The following TBC1D9 variants were observed in gnomAD, a reference collection of about 807,000 sequenced individuals.
The protein encoded by TBC1D9 is TBC1 domain family member 9.
Under a neutral mutation model 132.0 loss-of-function variants are expected in TBC1D9, and 63 were observed. The ratio of observed to expected loss-of-function variants is 0.48; its 90% CI spans 0.39 to 0.59. The LOEUF (loss-of-function observed/expected upper bound fraction) is 0.59, where lower values mean the gene tolerates loss of function less well. TBC1D9 is among the 20% of genes least tolerant of loss of function. The probability of loss-of-function intolerance (pLI) is 0.00; values close to 1 mark genes in which losing one functional copy is unlikely to be tolerated. For synonymous variants in TBC1D9, 610 were observed against 609.9 expected, an observed-to-expected ratio of 1.00 and a Z score of 0.00; for missense variants, 1,261 against 1,592.7, an observed-to-expected ratio of 0.79 and a Z score of 3.54.
intron 1 of TBC1D9, among the ~76,000 whole-genome samples, chr4:140,710,288 C>T (rs1366602273): frequency 6.6e-6 from 1 of 151,980 alleles, no homozygotes. Context: ...TAGGTGATCC[C>T]CGAGAGACCC....
chr4:140,700,572 C>T (rs953746272), intron 2 of TBC1D9, among the ~76,000 whole-genome samples: 2 of 151,816 alleles, frequency 1.3e-5, no homozygotes, highest in Non-Finnish European at 2.9e-5. Flanking sequence ...GTAATCCTAG[C>T]ACTTTGGGAG....
intron 1 of TBC1D9, 54 bp downstream of exon 1, chr4:140,755,862 C>A: frequency 6.8e-7 from 1 of 1,478,972 alleles, no homozygotes; most frequent in South Asian, 1.3e-5. Context: ...AGGCCGCGGG[C>A]GGCGCCGCAG....
intron 13 of TBC1D9, chr4:140,645,579 A>G (rs1321369765): frequency 7.2e-6 from 2 of 277,172 alleles, no homozygotes; most frequent in Admixed American, 1.0e-4. Flanking sequence ...ATCTTCCCCC[A>G]GTAGTAAGAA....
chr4:140,747,389 C>A, intron 1 of TBC1D9, among the ~76,000 whole-genome samples: 1 of 151,910 alleles, frequency 6.6e-6, no homozygotes, highest in East Asian at 1.9e-4. Context: ...CAAATAGGCT[C>A]ACACTTATTA....
intron 1 of TBC1D9, among the ~76,000 whole-genome samples, chr4:140,727,541 C>T (rs35154755): frequency 0.28 from 43,273 of 152,124 alleles, 7,305 homozygotes; most frequent in South Asian, 0.43. Context: ...CCATAAAGGG[C>T]ACATATATTA....
Position 140,628,372 on chromosome 4 carries a change from G to A in TBC1D9, c.2747-7C>T, listed in dbSNP as rs748071435. On this transcript the variant is annotated splice_region_variant and splice_polypyrimidine_tract_variant and intron_variant, in intron 16 of 20. Coordinates refer to ENST00000442267, the MANE Select transcript of TBC1D9 (RefSeq NM_015130.3). ...TCCCCATGGCATGCAGCACCTAGAA[G>A]TCACATAAGTACCAATGTGAAATGC... 4 of 1,613,248 alleles carry A rather than the reference G, an allele frequency of 2.5e-6. No individual in the cohort carries two copies. In the South Asian group the frequency reaches 4.4e-5, roughly 18 times the overall value.
chr4:140,749,533 A>T (rs1334677392), intron 1 of TBC1D9, among the ~76,000 whole-genome samples: 1 of 152,206 alleles, frequency 6.6e-6, no homozygotes, highest in Admixed American at 6.5e-5. Flanking sequence ...GTAAGAAAAA[A>T]GTCAACTGCC....
Position 140,655,470 on chromosome 4 carries a change from A to G in TBC1D9, c.2337+1627T>C, listed in dbSNP as rs183416658. On this transcript the variant is annotated intron_variant, in intron 13 of 20. Transcript: ENST00000442267. The stretch of plus-strand genomic sequence containing the variant: ...TATCCACTTTGTTGCTAGCTGGAAT[A>G]TGACAATCACCAATCAAAATCACAA... Among the ~76,000 whole-genome samples, 3 of 152,310 alleles carry G rather than the reference A, an allele frequency of 2.0e-5. No homozygotes were observed. The East Asian group carries it at 5.8e-4, about 29-fold the overall frequency.
chr4:140,656,586 C>T (rs556933026), intron 13 of TBC1D9, among the ~76,000 whole-genome samples: 1 of 152,276 alleles, frequency 6.6e-6, no homozygotes, highest in African/African-American at 2.4e-5. Flanking sequence ...CTATAAAATC[C>T]CCAGCAAGGC....
intron 7 of TBC1D9, chr4:140,670,513 AG>A: frequency 1.8e-6 from 1 of 556,310 alleles, no homozygotes. Context: ...ATAAAATAAA[AG>A]TGTTATTCCA....
chr4:140,623,415 T>C (rs925955775), intron 20 of TBC1D9, among the ~76,000 whole-genome samples: 2 of 152,220 alleles, frequency 1.3e-5, no homozygotes, highest in Non-Finnish European at 2.9e-5. Flanking sequence ...TCTATGAAAG[T>C]TGGAATGAAA....
chr4:140,728,554 T>C (rs1252638915), intron 1 of TBC1D9, among the ~76,000 whole-genome samples: 2 of 152,026 alleles, frequency 1.3e-5, no homozygotes, highest in African/African-American at 2.4e-5. Context: ...AGTGCAGTGA[T>C]GCAATCTCGG....
intron 2 of TBC1D9, among the ~76,000 whole-genome samples, chr4:140,689,051 T>C (rs1438250597): frequency 6.6e-6 from 1 of 152,096 alleles, no homozygotes; most frequent in African/African-American, 2.4e-5. Context: ...CACTGTCAGA[T>C]GGACTGCACC....
Position 140,657,740 on chromosome 4 carries a change from T to C in TBC1D9, c.1994A>G (p.Gln665Arg). Reference protein sequence around the residue: ...DYVPQLYDCMQDLGVISTISL... With the variant: ...DYVPQLYDCMRDLGVISTISL... Reference sequence around the variant, plus strand: ...GATGGTGGAAATCACGCCCAGGTCTTGCATGCAGTCGTACAGCTGTGGGAC... The same window carrying C: ...GATGGTGGAAATCACGCCCAGGTCTCGCATGCAGTCGTACAGCTGTGGGAC... Residue 665 changes from glutamine (Q) to arginine (R), a missense_variant, in exon 12 of 21, where the codon CAA (glutamine) becomes CGA (arginine). Coordinates refer to ENST00000442267, the MANE Select transcript of TBC1D9 (RefSeq NM_015130.3). 2 of 1,614,020 alleles carry C rather than the reference T, an allele frequency of 1.2e-6. No homozygotes were observed. Among genetic ancestry groups the C allele is most frequent in the Non-Finnish European group, 1.7e-6 (2 of 1,179,890 alleles).
At chr4:140,754,279 C>G (rs370612836) in intron 1 of TBC1D9, among the ~76,000 whole-genome samples, 1 of 152,102 alleles carries the variant, frequency 6.6e-6, no homozygotes, top group Admixed American at 6.5e-5. Context: ...TCTCTTTTTA[C>G]TACAATAAAT....
Position 140,654,594 on chromosome 4 carries a change from C to A in TBC1D9, c.2337+2503G>T, listed in dbSNP as rs143246522. ...TTTAACAATAAAGGTCTGAGGATTC[C>A]TTTAGAAAAGCAACCCACAGATAGA... On this transcript the variant is annotated intron_variant, in intron 13 of 20. Transcript: ENST00000442267. Among the ~76,000 whole-genome samples, 55 of 152,222 alleles carry A rather than the reference C, an allele frequency of 3.6e-4. 1 individual carries two copies. The highest frequency in any genetic ancestry group is 1.3e-3 in the African/African-American group (55 of 41,548).
chr4:140,716,017 G>A (rs757176442), intron 1 of TBC1D9: 4 of 152,128 alleles, frequency 2.6e-5, no homozygotes, highest in Non-Finnish European at 4.4e-5. Context: ...CCATGGGTAC[G>A]GTAACCAGTA....
intron 1 of TBC1D9, among the ~76,000 whole-genome samples, chr4:140,723,905 G>C (rs1224363245): frequency 6.6e-6 from 1 of 152,106 alleles, no homozygotes; most frequent in African/African-American, 2.4e-5. Context: ...ACCATGCCTA[G>C]CTAATTTATT....
At position 140,753,065 on chromosome 4, in the gene TBC1D9, C is replaced by T. The variant is rs549245489; in HGVS notation, c.130+2851G>A. The stretch of plus-strand genomic sequence containing the variant: ...ATCTTTTTCTTTCTTCAGTTCTAAG[C>T]TCAAGCGTCACTTCCTCAAGGAATC... On this transcript the variant is annotated intron_variant, in intron 1 of 20. Transcript: ENST00000442267. 5.9e-5 allele frequency among the ~76,000 whole-genome samples: 9 copies of T among 152,278 alleles called. No individual in the cohort carries two copies. In the South Asian group the frequency reaches 1.7e-3, roughly 28 times the overall value.
Sources: gnomAD v4.1 joint callset for allele counts (sites outside exome capture counted in the v4.1 genomes callset) on GRCh38, gnomAD v4.1.1 for gene constraint, MANE v1.5 for transcripts, NCBI Gene and HGNC (gene_info 2026-07-23, HGNC 2026-07-21) for gene names.